Variants in NRL observed in about 807,000 individuals in gnomAD.
NRL encodes the protein neural retina-specific leucine zipper protein.
NRL carries 16 observed loss-of-function variants against 12.5 expected under a neutral mutation model. That is an observed-to-expected ratio of 1.28 (90% CI 0.87 to 1.95). The LOEUF is 1.95. NRL is among the 30% of genes most tolerant of loss of function. The pLI is 0.00. For missense variants in NRL, 314 were observed against 325.8 expected (o/e 0.96, Z 0.28); for synonymous variants, 142 against 150.9 (o/e 0.94, Z 0.43).
Position 24,082,535 on chromosome 14 carries a change from A to C in NRL, c.314T>G (p.Val105Gly), listed in dbSNP as rs759564210. ...AMELLQGQGP[V>G]PVDGPHGYYP... Reference sequence around the variant, plus strand: ...GTAGCCATGGGGCCCATCAACAGGGACTGGGCCCTGACCCTGCAGCAGCTC... The same window carrying C: ...GTAGCCATGGGGCCCATCAACAGGGCCTGGGCCCTGACCCTGCAGCAGCTC... Residue 105 changes from valine to glycine, a missense_variant, in exon 2 of 3, where the codon GTC becomes GGC. Physicochemically the swap from Val to Gly is moderately radical, Grantham distance 109. Transcript: ENST00000561028. 2.8e-5 allele frequency: 45 copies of C among 1,613,244 alleles called. 2 individuals carry two copies. In the South Asian group the frequency reaches 4.9e-4, roughly 18 times the overall value.
chr14:24,084,780 C>A (rs1051121226), intron 1 of NRL: 11 of 874,246 alleles, frequency 1.3e-5, no homozygotes, highest in Non-Finnish European at 1.5e-5. Context: ...GAGGAGAGTA[C>A]AAGTGTGCTT....
At chr14:24,103,504 C>T in intron 1 of NRL, 2 of 1,541,826 alleles carry the variant, frequency 1.3e-6, no homozygotes, top group Non-Finnish European at 1.7e-6. Flanking sequence ...CTTGCTTCCC[C>T]CCCAGGGAAG....
At position 24,103,798 on chromosome 14, in the gene NRL, G is replaced by A. The variant is rs1345567823; in HGVS notation, c.-28+10924C>T. On this transcript the variant is annotated intron_variant, in intron 1 of 2. Transcript: ENST00000561028. ...AAGGAAGGAGCCTTGGATCTCAGCGGCCTCAGAGCTATAGACACCACTCAG... is the reference window on the plus strand; with the variant it reads ...AAGGAAGGAGCCTTGGATCTCAGCGACCTCAGAGCTATAGACACCACTCAG... The A allele has an allele frequency of 3.7e-6, 6 of 1,614,054 alleles. No individual in the cohort carries two copies. In the African/African-American group the frequency reaches 8.0e-5, roughly 22 times the overall value.
At chr14:24,106,462 G>A (rs1047360730) in intron 1 of NRL, among the ~76,000 whole-genome samples, 3 of 152,116 alleles carry the variant, frequency 2.0e-5, no homozygotes, top group South Asian at 2.1e-4. Context: ...CCAGCCAGGC[G>A]CGGTGGCTCA....
intron 1 of NRL, chr14:24,099,211 AG>A: frequency 6.3e-7 from 1 of 1,599,064 alleles, no homozygotes; most frequent in South Asian, 1.1e-5. Flanking sequence ...GCCCGGGATG[AG>A]GGCTGGCTGG....
Position 24,108,540 on chromosome 14 carries a change from C to T in NRL, c.-28+6182G>A, listed in dbSNP as rs565653472. On this transcript the variant is annotated intron_variant, in intron 1 of 2. Transcript: ENST00000561028. ...AGAGATGGGGTCTCACTATGTTGCC[C>T]AGGCTGGTCTTGAACTCCTGGTTTC... Among the ~76,000 whole-genome samples the T allele has an allele frequency of 1.1e-4, 17 of 151,516 alleles. No individual in the cohort carries two copies. The East Asian group carries it at 3.1e-3, about 28-fold the overall frequency.
At position 24,082,806 on chromosome 14, in the gene NRL, C is replaced by T. The variant is rs779241955; in HGVS notation, c.43G>A (p.Asp15Asn). The change falls in exon 2 of 3, where the codon GAC (aspartate) becomes AAC (asparagine). Residue 15 changes from aspartate to asparagine, a missense_variant. Transcript: ENST00000561028. Reference sequence around the variant, plus strand: ...ACCTCAAACTTCATCAAGTCAAAGTCATTGACATATTCCATGGCCAGGGGG... The same window carrying T: ...ACCTCAAACTTCATCAAGTCAAAGTTATTGACATATTCCATGGCCAGGGGG... ...PSPLAMEYVNDFDLMKFEVKR... is the reference protein window; with the variant it reads ...PSPLAMEYVNNFDLMKFEVKR... 2 of 1,614,006 alleles carry T rather than the reference C, an allele frequency of 1.2e-6. No homozygotes were observed. The highest frequency in any genetic ancestry group is 1.7e-5 in the Admixed American group (1 of 60,014).
At chr14:24,102,651 C>G (rs992885008) in intron 1 of NRL, 2 of 883,130 alleles carry the variant, frequency 2.3e-6, no homozygotes, top group Non-Finnish European at 3.4e-6. Context: ...GCTGATGAGG[C>G]AAAAAAAAAA....
intron 1 of NRL, 185 bp downstream of exon 1, chr14:24,114,537 C>G (rs1268752543): frequency 3.3e-6 from 1 of 306,630 alleles, no homozygotes; most frequent in Non-Finnish European, 4.8e-6. Context: ...TAAAATACCT[C>G]TCGGTAGCGA....
At chr14:24,110,265 G>A (rs1195226480) in intron 1 of NRL, 1 of 306,320 alleles carries the variant, frequency 3.3e-6, no homozygotes. Flanking sequence ...TACAGGCCCA[G>A]CTCAATTTTG....
intron 1 of NRL, among the ~76,000 whole-genome samples, chr14:24,111,103 C>G (rs954788973): frequency 1.4e-4 from 21 of 152,094 alleles, no homozygotes; most frequent in African/African-American, 5.1e-4. Flanking sequence ...TTCATCCTTC[C>G]CAAGTAAGTT....
intron 1 of NRL, among the ~76,000 whole-genome samples, chr14:24,087,592 G>C (rs1173437663): frequency 6.6e-6 from 1 of 152,184 alleles, no homozygotes; most frequent in East Asian, 1.9e-4. Context: ...ATGGTATCTA[G>C]ATCTTCAGTA....
intron 1 of NRL, among the ~76,000 whole-genome samples, chr14:24,083,375 G>T (rs1036614371): frequency 6.6e-6 from 1 of 152,188 alleles, no homozygotes; most frequent in Non-Finnish European, 1.5e-5. Flanking sequence ...AAGCACTCAG[G>T]GAAGTGCCTT....
chr14:24,081,677 C>G lies in NRL; in HGVS notation c.382-109G>C. On this transcript the variant is annotated intron_variant, in intron 2 of 2. Coordinates refer to ENST00000561028, the MANE Select transcript of NRL (RefSeq NM_001354768.3). The surrounding 1 kb of genome is among the most constrained non-coding windows in gnomAD (Gnocchi z 4.4). The stretch of plus-strand genomic sequence containing the variant: ...CCCGGGACAGCCCCGCCCCGGCTCC[C>G]ACCTTCACCGGAAGGCTCGCCCTTC... 2 of 1,529,352 alleles carry G rather than the reference C, an allele frequency of 1.3e-6. No homozygotes were observed. The highest frequency in any genetic ancestry group is 8.8e-7 in the Non-Finnish European group (1 of 1,139,060). 94.7% of individuals were successfully genotyped at this position (1,529,352 alleles called of 1,614,324 possible). A position where few individuals can be genotyped will look rare whatever the true frequency, so the allele number is the denominator to read the frequency against.
At chr14:24,102,851 C>G in intron 1 of NRL, 1 of 1,613,910 alleles carries the variant, frequency 6.2e-7, no homozygotes, top group Non-Finnish European at 8.5e-7. Flanking sequence ...AGAGGGTGTC[C>G]CCATTGACGC....
chr14:24,079,541 G>A lies in NRL; in HGVS notation c.*1695C>T, dbSNP rs891444851. Reference sequence around the variant, plus strand: ...AAATTCTGAGAGCGATGGAGGAGAGGACTCCCATTGCAGGCTCCTAAGCGG... The same window carrying A: ...AAATTCTGAGAGCGATGGAGGAGAGAACTCCCATTGCAGGCTCCTAAGCGG... On this transcript the variant is annotated 3_prime_UTR_variant, in exon 3 of 3. Transcript: ENST00000561028. Among the ~76,000 whole-genome samples, 12 of 152,096 alleles carry A rather than the reference G, an allele frequency of 7.9e-5. No homozygotes were observed. The highest frequency in any genetic ancestry group is 2.6e-4 in the Admixed American group (4 of 15,276).
At chr14:24,110,778 G>A (rs373692801) in intron 1 of NRL, among the ~76,000 whole-genome samples, 18 of 152,326 alleles carry the variant, frequency 1.2e-4, no homozygotes, top group African/African-American at 4.3e-4. Context: ...CAGTATTACT[G>A]GGTCAAAGTG....
At chr14:24,103,794 A>G (rs1392611290) in intron 1 of NRL, 3 of 1,614,192 alleles carry the variant, frequency 1.9e-6, no homozygotes, top group Non-Finnish European at 2.5e-6. Context: ...CTTGGATCTC[A>G]GCGGCCTCAG....
At chr14:24,113,964 C>T (rs1161282516) in intron 1 of NRL, among the ~76,000 whole-genome samples, 1 of 152,244 alleles carries the variant, frequency 6.6e-6, no homozygotes, top group African/African-American at 2.4e-5. Flanking sequence ...CGTCCCCACC[C>T]AGCCAGGGCG....
Sources: allele counts gnomAD v4.1 joint callset (sites outside exome capture counted in the v4.1 genomes callset), GRCh38; gene constraint gnomAD v4.1.1; non-coding constraint Gnocchi (gnomAD v3.1); transcripts MANE v1.5; gene names NCBI Gene and HGNC (gene_info 2026-07-23, HGNC 2026-07-21).